Variants in CCDC191 observed in about 807,000 individuals in gnomAD.
CCDC191 encodes the protein coiled-coil domain containing 191.
Under a neutral mutation model 114.0 loss-of-function variants are expected in CCDC191, and 99 were observed. The observed-to-expected ratio is 0.87, with a 90% CI of 0.74 to 1.03. The LOEUF (loss-of-function observed/expected upper bound fraction) is 1.03. Ranked by LOEUF, CCDC191 falls within the 50% of genes least tolerant of loss-of-function variation. The pLI, the probability that CCDC191 is intolerant of heterozygous loss-of-function variation, is 0.00. For missense variants in CCDC191, 973 were observed against 1,087.0 expected (o/e 0.90, Z 1.47); for synonymous variants, 351 against 376.0 (o/e 0.93, Z 0.77).
rs1390457447 is a variant in CCDC191, at chr3:113,978,410, G to A, written c.2461-79C>T. On this transcript the variant is annotated intron_variant, in intron 15 of 16. Transcript: ENST00000295878. ...ATTAGAGCAAATAAACAGCACAAAA[G>A]ACAGAAATGAAACAAAAGAAACAAA... 4.2e-6 allele frequency: 6 copies of A among 1,419,736 alleles called. No homozygotes were observed. The African/African-American group carries it at 8.6e-5, about 20-fold the overall frequency. The allele number at this position is 1,419,736 out of a possible 1,614,324, so 87.9% of individuals were successfully genotyped here.
At chr3:113,977,473 C>T (rs1257105087) in intron 16 of CCDC191, among the ~76,000 whole-genome samples, 2 of 152,086 alleles carry the variant, frequency 1.3e-5, no homozygotes, top group African/African-American at 4.8e-5. Context: ...AAATATAAAA[C>T]TTACTTATAC....
chr3:114,048,503 TG>T (rs748857251), intron 2 of CCDC191, among the ~76,000 whole-genome samples: 1 of 152,176 alleles, frequency 6.6e-6, no homozygotes. Context: ...CGGACCTCCT[TG>T]CTTGTTCCTC....
intron 16 of CCDC191, among the ~76,000 whole-genome samples, chr3:113,971,680 G>A (rs1249250413): frequency 1.3e-5 from 2 of 152,058 alleles, no homozygotes; most frequent in African/African-American, 4.8e-5. Flanking sequence ...GGCTAATGCT[G>A]GCCTGATAGA....
chr3:113,985,836 C>T (rs62265458), intron 13 of CCDC191, among the ~76,000 whole-genome samples: 10,997 of 152,224 alleles, frequency 0.072, 443 homozygotes, highest in Middle Eastern at 0.11. Flanking sequence ...GCCCAATTCC[C>T]GGCTAAATTA....
At chr3:113,974,199 G>A (rs1941092820) in intron 16 of CCDC191, among the ~76,000 whole-genome samples, 2 of 151,920 alleles carry the variant, frequency 1.3e-5, no homozygotes, top group African/African-American at 4.8e-5. Context: ...AGATCACTGG[G>A]TTTCCTTAAA....
At chr3:113,993,153 C>A (rs1277725729) in intron 13 of CCDC191, among the ~76,000 whole-genome samples, 1 of 151,992 alleles carries the variant, frequency 6.6e-6, no homozygotes, top group Non-Finnish European at 1.5e-5. Flanking sequence ...CCCCTGTGAC[C>A]CAGGTGTGGT....
At position 113,965,313 on chromosome 3, in the gene CCDC191, A is replaced by G. The variant is rs754718431; in HGVS notation, c.2653T>C (p.Phe885Leu). 5.6e-6 allele frequency: 9 copies of G among 1,610,312 alleles called. No homozygotes were observed. Among genetic ancestry groups the G allele is most frequent in the Middle Eastern group, 1.6e-4 (1 of 6,068 alleles). The change falls in exon 17 of 17, where the codon TTT (phenylalanine) becomes CTT (leucine). Residue 885 changes from phenylalanine to leucine, a missense_variant. Physicochemically the swap from Phe to Leu is conservative, Grantham distance 22. Transcript: ENST00000295878. ...TLRTWKKFVK[F>L]MKEERVKEER... ...TCTTTTACTCTTTCCTCTTTCATAA[A>G]TTTTACAAACTTCTTCCATGTCCGA...
chr3:113,985,764 C>T (rs1040944760), intron 13 of CCDC191, among the ~76,000 whole-genome samples: 1 of 152,190 alleles, frequency 6.6e-6, no homozygotes, highest in African/African-American at 2.4e-5. Context: ...TCTCTGATGT[C>T]TACAGCATAC....
chr3:113,984,906 G>A (rs1439325478), intron 13 of CCDC191, among the ~76,000 whole-genome samples: 1 of 152,180 alleles, frequency 6.6e-6, no homozygotes, highest in Non-Finnish European at 1.5e-5. Context: ...ATGACTTTTT[G>A]TGAACTGATC....
In CCDC191 at chr3:114,006,615, T is replaced by TATATATATAA. The variant is rs1371654689; in HGVS notation, c.1414-654_1414-653insTTATATATAT. Among the ~76,000 whole-genome samples the TATATATATAA allele has an allele frequency of 1.3e-3, 113 of 84,736 alleles. 5 individuals carry two copies. The highest frequency in any genetic ancestry group is 7.7e-3 in the Middle Eastern group (1 of 130). 55.6% of individuals were successfully genotyped at this position (84,736 alleles called of 152,430 possible). A position where few individuals can be genotyped will look rare whatever the true frequency, so the allele number is the denominator to read the frequency against. On this transcript the variant is annotated intron_variant, in intron 9 of 16. Coordinates refer to ENST00000295878, the MANE Select transcript of CCDC191 (RefSeq NM_020817.2). The stretch of plus-strand genomic sequence containing the variant: ...ATATATATATATATATATATATATA[T>TATATATATAA]ATAAATATATATATTTTATATATAA...
intron 13 of CCDC191, among the ~76,000 whole-genome samples, chr3:113,984,908 G>A (rs994678417): frequency 6.6e-6 from 1 of 152,170 alleles, no homozygotes; most frequent in African/African-American, 2.4e-5. Flanking sequence ...GACTTTTTGT[G>A]AACTGATCAG....
chr3:114,006,163 G>A (rs1577399954), intron 9 of CCDC191: 1 of 659,634 alleles, frequency 1.5e-6, no homozygotes, highest in East Asian at 2.8e-5. Context: ...AAAACTGGGA[G>A]AGTGGCCGGC....
intron 13 of CCDC191, among the ~76,000 whole-genome samples, chr3:113,987,692 C>T (rs2075409858): frequency 6.6e-6 from 1 of 152,172 alleles, no homozygotes; most frequent in Non-Finnish European, 1.5e-5. Context: ...TGCTACGACA[C>T]TCAGGTAGAA....
chr3:113,966,362 G>A (rs1940168611), intron 16 of CCDC191, among the ~76,000 whole-genome samples: 1 of 152,146 alleles, frequency 6.6e-6, no homozygotes. Flanking sequence ...GAACACTAGG[G>A]GCATCAAGGT....
intron 4 of CCDC191, among the ~76,000 whole-genome samples, chr3:114,040,199 A>C (rs558002475): frequency 2.0e-5 from 3 of 152,348 alleles, no homozygotes; most frequent in African/African-American, 7.2e-5. Flanking sequence ...TTTGTGGCCT[A>C]GGAGCAATAG....
chr3:114,053,465 G>T, intron 2 of CCDC191, 132 bp downstream of exon 2: 1 of 473,366 alleles, frequency 2.1e-6, no homozygotes, highest in Non-Finnish European at 3.8e-6. Flanking sequence ...TAAAATTAAG[G>T]CAACTTACAT....
rs765086011 is a variant in CCDC191, at chr3:114,005,528, T to C, written c.1848A>G (p.Arg616=). ...LLSKPREEEP[R]TCQMLVNSPV... Reference sequence around the variant, plus strand: ...CATACTTCACAAGCATCTGGCAGGTTCTTGGTTCCTCTTCTCTGGGCTTTG... The same window carrying C: ...CATACTTCACAAGCATCTGGCAGGTCCTTGGTTCCTCTTCTCTGGGCTTTG... The change falls in exon 10 of 17, where the codon AGA becomes AGG. Residue 616 remains arginine (R), a synonymous_variant. Coordinates refer to ENST00000295878, the MANE Select transcript of CCDC191 (RefSeq NM_020817.2). The C allele has an allele frequency of 2.5e-6, 4 of 1,610,692 alleles. No homozygotes were observed. Among genetic ancestry groups the C allele is most frequent in the South Asian group, 2.2e-5 (2 of 90,600 alleles).
chr3:114,007,552 G>C (rs1239854745), intron 9 of CCDC191, among the ~76,000 whole-genome samples: 1 of 152,130 alleles, frequency 6.6e-6, no homozygotes, highest in Non-Finnish European at 1.5e-5. Context: ...TAAACTTGGT[G>C]GTAATGACAC....
chr3:113,992,235 AC>A (rs1559889582), intron 13 of CCDC191, among the ~76,000 whole-genome samples: 1 of 151,968 alleles, frequency 6.6e-6, no homozygotes, highest in Non-Finnish European at 1.5e-5. Flanking sequence ...GCCAAGAGAG[AC>A]CCCCACAGCC....
Sources: gnomAD v4.1 joint callset for allele counts (sites outside exome capture counted in the v4.1 genomes callset) on GRCh38, gnomAD v4.1.1 for gene constraint, MANE v1.5 for transcripts, NCBI Gene and HGNC (gene_info 2026-07-23, HGNC 2026-07-21) for gene names.